COL22A1: variants seen among roughly 807,000 people sequenced by gnomAD.
COL22A1 encodes collagen alpha-1(XXII) chain.
In COL22A1, 221 loss-of-function variants were observed where a neutral mutation model predicts 248.9. That is an observed-to-expected ratio of 0.89 (90% CI 0.80 to 0.99). The LOEUF (loss-of-function observed/expected upper bound fraction) is 0.99, where lower values mean the gene tolerates loss of function less well. Among genes scored for constraint, COL22A1 ranks in the 50% least tolerant of loss-of-function variants. COL22A1 has a pLI of 0.00. For missense variants in COL22A1, 2,240 were observed against 2,179.0 expected (o/e 1.03, Z -0.56); for synonymous variants, 891 against 793.4 (o/e 1.12, Z -2.07).
intron 1 of COL22A1, among the ~76,000 whole-genome samples, chr8:138,897,684 A>C (rs1419149739): frequency 1.3e-5 from 2 of 152,160 alleles, no homozygotes; most frequent in Non-Finnish European, 2.9e-5. Flanking sequence ...TGTTTAATAA[A>C]AACTCAGTGA....
At chr8:138,623,991 G>A (rs1820047411) in intron 51 of COL22A1, among the ~76,000 whole-genome samples, 1 of 152,238 alleles carries the variant, frequency 6.6e-6, no homozygotes, top group East Asian at 1.9e-4. Flanking sequence ...TCTCTGACTT[G>A]CAGTATCTGG....
At chr8:138,659,436 T>C (rs1396429019) in intron 44 of COL22A1, among the ~76,000 whole-genome samples, 1 of 152,174 alleles carries the variant, frequency 6.6e-6, no homozygotes, top group Non-Finnish European at 1.5e-5. Context: ...CATCTCAAGG[T>C]GAAGCTTCTG....
At chr8:138,645,940 G>T (rs1822166715) in intron 47 of COL22A1, among the ~76,000 whole-genome samples, 1 of 152,166 alleles carries the variant, frequency 6.6e-6, no homozygotes, top group Non-Finnish European at 1.5e-5. Context: ...AGCGGGAAGG[G>T]AATGAGGGTG....
At chr8:138,747,137 T>C (rs1832183745) in intron 22 of COL22A1, among the ~76,000 whole-genome samples, 1 of 152,260 alleles carries the variant, frequency 6.6e-6, no homozygotes, top group South Asian at 2.1e-4. Context: ...GGAGACAACA[T>C]ACTGAAATAT....
At chr8:138,666,980 C>T (rs1214077195) in intron 41 of COL22A1, among the ~76,000 whole-genome samples, 1 of 152,164 alleles carries the variant, frequency 6.6e-6, no homozygotes, top group African/African-American at 2.4e-5. Context: ...AGAGTATCAC[C>T]TTGCCTTGTG....
At chr8:138,783,236 T>C (rs796184038) in intron 12 of COL22A1, among the ~76,000 whole-genome samples, 6 of 152,272 alleles carry the variant, frequency 3.9e-5, no homozygotes, top group African/African-American at 1.4e-4. Flanking sequence ...TTTAATTTTC[T>C]ATAAAATGGG....
chr8:138,619,402 C>T, intron 53 of COL22A1, 53 bp downstream of exon 53: 1 of 1,536,792 alleles, frequency 6.5e-7, no homozygotes, highest in South Asian at 1.1e-5. Flanking sequence ...TGGTGAGAGC[C>T]ATGTAGCTGA....
At chr8:138,741,148 T>C (rs1831527604) in intron 22 of COL22A1, among the ~76,000 whole-genome samples, 1 of 152,260 alleles carries the variant, frequency 6.6e-6, no homozygotes, top group South Asian at 2.1e-4. Flanking sequence ...GTTGCCATTC[T>C]GCTCCCTCTG....
In COL22A1 at chr8:138,790,639, GAGA is replaced by G. The variant is rs1405731842; in HGVS notation, c.1596+6177_1596+6179del. On this transcript the variant is annotated intron_variant, in intron 12 of 64. Coordinates refer to ENST00000303045, the MANE Select transcript of COL22A1 (RefSeq NM_152888.3). The stretch of plus-strand genomic sequence containing the variant: ...ATTGAAGAAATAACCTGGTTCCGGT[GAGA>G]AGAACCCATTATTTAACACTGTGGA... Among the ~76,000 whole-genome samples the G allele has an allele frequency of 2.0e-5, 3 of 152,170 alleles. No individual in the cohort carries two copies. The East Asian group carries it at 5.8e-4, about 29-fold the overall frequency.
intron 12 of COL22A1, among the ~76,000 whole-genome samples, chr8:138,785,264 A>C (rs1815416700): frequency 6.6e-6 from 1 of 152,168 alleles, no homozygotes; most frequent in Admixed American, 6.5e-5. Context: ...GGTGGTGAGC[A>C]ATAAAGTGGG....
At chr8:138,653,813 G>A (rs7460357) in intron 45 of COL22A1, among the ~76,000 whole-genome samples, 2 of 152,054 alleles carry the variant, frequency 1.3e-5, no homozygotes, top group South Asian at 4.2e-4. Context: ...TTACAACATC[G>A]AGATGACAGC....
chr8:138,676,442 AAAGAAAGAAAGAAAGG>A (rs1204931472), intron 41 of COL22A1, 100 bp downstream of exon 41: 3 of 539,844 alleles, frequency 5.6e-6, no homozygotes, highest in South Asian at 3.0e-5. Flanking sequence ...AGAAAGAAAG[AAAGAAAGAAAGAAAGG>A]AAGAAAGAAA....
In COL22A1 at chr8:138,694,867, GC is replaced by G; in HGVS notation, c.2604del (p.Gly871GlufsTer131). On this transcript the variant is annotated frameshift_variant, in exon 33 of 65. Transcript: ENST00000303045. LOFTEE classifies it high-confidence loss of function. Reference protein sequence around the residue: ...TPHPRMPGEQGPKGEKGDPGL... With the variant: ...TPHPRMPGEQXPKGEKGDPGL... ...CCTGGATCGCCCTTCTCTCCTTTGG[GC>G]CCTTGTTCTCCCTGTTGGTGAGAAG... The G allele has an allele frequency of 6.2e-7, 1 of 1,614,034 alleles. No individual in the cohort carries two copies.
chr8:138,595,826 G>A (rs1164988556), intron 62 of COL22A1, among the ~76,000 whole-genome samples: 1 of 152,012 alleles, frequency 6.6e-6, no homozygotes. Flanking sequence ...TTGTCCTTGT[G>A]CTCCTGGAAA....
rs150454171 is a variant in COL22A1, at chr8:138,892,664, T to A, written c.-72-9420A>T. Among the ~76,000 whole-genome samples, 28 of 152,304 alleles carry A rather than the reference T, an allele frequency of 1.8e-4. No homozygotes were observed. The East Asian group carries it at 5.2e-3, about 28-fold the overall frequency. On this transcript the variant is annotated intron_variant, in intron 1 of 64. Transcript: ENST00000303045. ...CCCAAAAGTCCAGCAATTAATTTAGTGAGCTGAGTTCCTTCCACAAGCCAG... is the reference window on the plus strand; with the variant it reads ...CCCAAAAGTCCAGCAATTAATTTAGAGAGCTGAGTTCCTTCCACAAGCCAG...
chr8:138,751,312 T>A (rs138236033), intron 22 of COL22A1, 146 bp downstream of exon 22: 2 of 588,236 alleles, frequency 3.4e-6, no homozygotes, highest in Admixed American at 3.4e-5. Context: ...CCATGTTTGA[T>A]GAACTGAATC....
In COL22A1 at chr8:138,854,087, G is replaced by C. The variant is rs538460889; in HGVS notation, c.659-9929C>G. On this transcript the variant is annotated intron_variant, in intron 3 of 64. Coordinates refer to ENST00000303045, the MANE Select transcript of COL22A1 (RefSeq NM_152888.3). The stretch of plus-strand genomic sequence containing the variant: ...TGTGACTGTCACATGGCAGATGAGG[G>C]ACAGGGATGATGGTGCAAGGGTGTC... Among the ~76,000 whole-genome samples the C allele has an allele frequency of 2.1e-4, 32 of 152,314 alleles. No individual in the cohort carries two copies. In the South Asian group the frequency reaches 5.2e-3, roughly 25 times the overall value.
At chr8:138,763,680 T>C (rs1308782053) in intron 16 of COL22A1, among the ~76,000 whole-genome samples, 1 of 152,158 alleles carries the variant, frequency 6.6e-6, no homozygotes, top group Admixed American at 6.5e-5. Flanking sequence ...GCGGCTTCCT[T>C]CATCAGGCTC....
Position 138,762,464 on chromosome 8 carries a change from T to C in COL22A1, c.1806A>G (p.Gly602=). The C allele has an allele frequency of 3.1e-6, 5 of 1,614,112 alleles. No homozygotes were observed. The highest frequency in any genetic ancestry group is 4.2e-6 in the Non-Finnish European group (5 of 1,180,010). The change falls in exon 17 of 65, where the codon GGA becomes GGG. Residue 602 remains glycine (G), a splice_region_variant and synonymous_variant. Transcript: ENST00000303045. Reference sequence around the variant, plus strand: ...CAGGGAATCCATCCAGGCCTCGCTCTCCCTGGCAAAAGAAGGCAAATGGTG... The same window carrying C: ...CAGGGAATCCATCCAGGCCTCGCTCCCCCTGGCAAAAGAAGGCAAATGGTG... ...RGEKGTRGEK[G]ERGLDGFPGK... is the part of the protein sequence containing the mutation.
Sources: allele counts gnomAD v4.1 joint callset (sites outside exome capture counted in the v4.1 genomes callset), GRCh38; gene constraint gnomAD v4.1.1; transcripts MANE v1.5; gene names NCBI Gene and HGNC (gene_info 2026-07-23, HGNC 2026-07-21).